The following POLQ variants were observed in gnomAD, a reference collection of about 807,000 sequenced individuals.
POLQ encodes DNA polymerase theta, also known as epididymis secretory sperm binding protein.
In POLQ, 233 loss-of-function variants were observed where a neutral mutation model predicts 259.2. The ratio of observed to expected loss-of-function variants is 0.90; its 90% CI spans 0.81 to 1.00. POLQ has a LOEUF of 1.00. POLQ is among the 50% of genes least tolerant of loss of function. The pLI is 0.00. For missense variants in POLQ, 2,871 were observed against 3,051.6 expected, an observed-to-expected ratio of 0.94 and a Z score of 1.39; for synonymous variants, 1,025 against 1,048.8, an observed-to-expected ratio of 0.98 and a Z score of 0.44.
At chr3:121,541,628 G>A (rs2048490815) in intron 2 of POLQ, 149 bp from the exon 3 acceptor site, 1 of 634,908 alleles carries the variant, frequency 1.6e-6, no homozygotes, top group Non-Finnish European at 2.7e-6. Flanking sequence ...TTTATACCCT[G>A]AAATGCCCTT....
intron 26 of POLQ, among the ~76,000 whole-genome samples, chr3:121,441,255 A>G (rs1157433002): frequency 1.3e-5 from 2 of 152,222 alleles, no homozygotes; most frequent in Non-Finnish European, 2.9e-5. Context: ...TACTTTAAAA[A>G]AAAAATCAGT....
At chr3:121,509,506 A>G (rs932111309) in intron 12 of POLQ, 55 bp downstream of exon 12, 4 of 1,447,644 alleles carry the variant, frequency 2.8e-6, no homozygotes, top group African/African-American at 1.4e-5. Context: ...TCAGGATTAT[A>G]TATCTATTTT....
chr3:121,450,964 A>G (rs1224511905), intron 25 of POLQ, among the ~76,000 whole-genome samples: 1 of 151,804 alleles, frequency 6.6e-6, no homozygotes, highest in African/African-American at 2.4e-5. Context: ...ATAGTCCCCT[A>G]TTTCTTGGAG....
intron 25 of POLQ, among the ~76,000 whole-genome samples, chr3:121,455,864 A>G (rs2047731542): frequency 6.6e-6 from 1 of 152,222 alleles, no homozygotes; most frequent in Non-Finnish European, 1.5e-5. Flanking sequence ...AAAAGAGGAA[A>G]TCCTCCCTAA....
In POLQ at chr3:121,529,792, C is replaced by T. The variant is rs192104287; in HGVS notation, c.961G>A (p.Gly321Arg). 8.7e-6 allele frequency: 14 copies of T among 1,601,638 alleles called. No individual in the cohort carries two copies. The East Asian group carries it at 2.5e-4, about 28-fold the overall frequency. The change falls in exon 7 of 30, where the codon GGA (glycine) becomes AGA (arginine). Residue 321 changes from glycine to arginine, a missense_variant and splice_region_variant. Gly to Arg is a moderately radical substitution (Grantham distance 125). Around this residue, in one of 3 missense-constraint regions of POLQ, gnomAD observed 783 missense variants for 906.2 expected, o/e 0.86. Coordinates refer to ENST00000264233, the MANE Select transcript of POLQ (RefSeq NM_199420.4). ...REFEPMLQVK[G>R]DEDHVVSLCY... Reference sequence around the variant, plus strand: ...AAACTAACAACATGGTCCTCATCTCCCTAAAACAGAAAGATAAATAACCAC... The same window carrying T: ...AAACTAACAACATGGTCCTCATCTCTCTAAAACAGAAAGATAAATAACCAC...
At position 121,528,755 on chromosome 3, in the gene POLQ, C is replaced by A. The variant is rs185251324; in HGVS notation, c.1108+890G>T. ...ATCACTTCAGATCAGGAGTTCAAGA[C>A]CATCTTGGCTAACATGGTGAAACCT... On this transcript the variant is annotated intron_variant, in intron 7 of 29. Coordinates refer to ENST00000264233, the MANE Select transcript of POLQ (RefSeq NM_199420.4). Among the ~76,000 whole-genome samples the A allele has an allele frequency of 5.3e-4, 80 of 152,210 alleles. 1 individual carries two copies. Among genetic ancestry groups the A allele is most frequent in the Admixed American group, 1.5e-3 (23 of 15,302 alleles).
intron 20 of POLQ, among the ~76,000 whole-genome samples, chr3:121,475,783 A>T (rs1214466390): frequency 6.6e-6 from 1 of 152,196 alleles, no homozygotes; most frequent in Non-Finnish European, 1.5e-5. Flanking sequence ...TGTAGCTTAC[A>T]TGCTTTCAGG....
At position 121,519,359 on chromosome 3, in the gene POLQ, GATATATATATATAT is replaced by G. The variant is rs58512042; in HGVS notation, c.1468+498_1468+511del. On this transcript the variant is annotated intron_variant, in intron 9 of 29. Coordinates refer to ENST00000264233, the MANE Select transcript of POLQ (RefSeq NM_199420.4). ...CATTTGTAGAAAATCAACAGTTGAT[GATATATATATATAT>G]ATATATATATATGAAAATTATGCCA... is the stretch of plus-strand genomic sequence containing the variant. Among the ~76,000 whole-genome samples the G allele has an allele frequency of 2.9e-5, 4 of 136,698 alleles. No homozygotes were observed. The South Asian group carries it at 7.3e-4, about 25-fold the overall frequency. The allele number at this position is 136,698 out of a possible 152,430, so 89.7% of individuals were successfully genotyped here.
chr3:121,481,508 TAA>T, intron 19 of POLQ, 62 bp downstream of exon 19: 1 of 1,429,660 alleles, frequency 7.0e-7, no homozygotes, highest in Non-Finnish European at 9.5e-7. Context: ...CCATTTTTGA[TAA>T]AGAGTGGCTA....
chr3:121,489,708 G>T lies in POLQ; in HGVS notation c.3223C>A (p.Pro1075Thr), dbSNP rs758984814. The change falls in exon 16 of 30, where the codon CCT (proline) becomes ACT (threonine). Residue 1075 changes from proline to threonine, a missense_variant. By Grantham distance (38) the Pro-to-Thr change is conservative. Transcript: ENST00000264233. Reference sequence around the variant, plus strand: ...GTAAACGGGTCTTCACAAAGACTAGGATTAGACAGAGTCTGTCCTTGTAAA... The same window carrying T: ...GTAAACGGGTCTTCACAAAGACTAGTATTAGACAGAGTCTGTCCTTGTAAA... ...IHLQGQTLSN[P>T]SLCEDPFTLD... The T allele has an allele frequency of 1.2e-5, 20 of 1,613,290 alleles. No individual in the cohort carries two copies. The South Asian group carries it at 2.0e-4, about 16-fold the overall frequency.
Position 121,488,348 on chromosome 3 carries a change from A to G in POLQ, c.4583T>C (p.Leu1528Pro). Residue 1528 changes from leucine to proline, a missense_variant, in exon 16 of 30, where the codon CTA (leucine) becomes CCA (proline). Physicochemically the swap from Leu to Pro is moderately conservative, Grantham distance 98 (BLOSUM62 -3). Around this residue, in one of 3 missense-constraint regions of POLQ, gnomAD observed 2,080 missense variants for 2,126.0 expected, o/e 0.98. Coordinates refer to ENST00000264233, the MANE Select transcript of POLQ (RefSeq NM_199420.4). The stretch of plus-strand genomic sequence containing the variant: ...TGATTTTTTAATTAGGTCTTCTTGT[A>G]GACACAGAGAATCACTAAAATGGTT... ...TSNHFSDSLC[L>P]QEDLIKKSNV... 1.9e-6 allele frequency: 3 copies of G among 1,612,870 alleles called. No individual in the cohort carries two copies. Among genetic ancestry groups the G allele is most frequent in the Non-Finnish European group, 2.5e-6 (3 of 1,179,146 alleles).
chr3:121,473,544 A>C, intron 20 of POLQ, 57 bp from the exon 21 acceptor site: 4 of 1,418,020 alleles, frequency 2.8e-6, no homozygotes, highest in Non-Finnish European at 3.9e-6. Flanking sequence ...ATTATCATTC[A>C]GAAAATATTT....
chr3:121,522,898 G>T (rs1560106355), intron 7 of POLQ, among the ~76,000 whole-genome samples: 1 of 152,126 alleles, frequency 6.6e-6, no homozygotes. Context: ...GTATCAGAGG[G>T]TTTCACCAAT....
intron 24 of POLQ, among the ~76,000 whole-genome samples, chr3:121,463,767 T>G (rs1457881064): frequency 1.3e-5 from 2 of 150,894 alleles, no homozygotes; most frequent in Non-Finnish European, 2.9e-5. Flanking sequence ...TAAAAACTTC[T>G]TTTTTTTAGA....
chr3:121,438,015 C>T (rs149812221), intron 27 of POLQ, among the ~76,000 whole-genome samples: 1 of 152,220 alleles, frequency 6.6e-6, no homozygotes, highest in Non-Finnish European at 1.5e-5. Context: ...GCATGAGGGG[C>T]GCTTCTGGGG....
Position 121,487,946 on chromosome 3 carries a change from G to C in POLQ, c.4985C>G (p.Thr1662Ser). The C allele has an allele frequency of 2.5e-6, 4 of 1,604,252 alleles. No homozygotes were observed. The highest frequency in any genetic ancestry group is 1.1e-5 in the South Asian group (1 of 88,746). ...TCTATTCAAACTGGAAAAGTTTATA[G>C]TCATTGATTTTAGCTTTTCATTTTC... is the stretch of plus-strand genomic sequence containing the variant. ...PLENEKLKSM[T>S]INFSSLNRKN... The change falls in exon 16 of 30, where the codon ACT becomes AGT. Residue 1662 changes from threonine to serine, a missense_variant. This residue lies in a region of POLQ where 2,080 missense variants were observed against 2,126.0 expected (regional missense o/e 0.98). Transcript: ENST00000264233.
chr3:121,498,753 A>C, intron 12 of POLQ, 83 bp from the exon 13 acceptor site: 1 of 940,906 alleles, frequency 1.1e-6, no homozygotes, highest in Non-Finnish European at 1.6e-6. Context: ...TTAAAGACAA[A>C]AGCCAGGCAT....
intron 25 of POLQ, among the ~76,000 whole-genome samples, chr3:121,452,077 C>T (rs190843913): frequency 0.021 from 3,274 of 152,282 alleles, 115 homozygotes; most frequent in African/African-American, 0.074. Context: ...GACATGGTAG[C>T]CTCCGAGTCA....
At chr3:121,486,378 A>G (rs2048010702) in intron 16 of POLQ, among the ~76,000 whole-genome samples, 1 of 151,852 alleles carries the variant, frequency 6.6e-6, no homozygotes, top group African/African-American at 2.4e-5. Flanking sequence ...GTGAAACCCC[A>G]TCTGTACTAA....
Sources: allele counts gnomAD v4.1 joint callset (sites outside exome capture counted in the v4.1 genomes callset), GRCh38; gene constraint gnomAD v4.1.1; regional missense constraint gnomAD v4.1.1; transcripts MANE v1.5; gene names NCBI Gene and HGNC (gene_info 2026-07-23, HGNC 2026-07-21).